Variants in RNF213 observed in about 807,000 individuals in gnomAD.
RNF213 encodes the protein ring finger protein 213.
A neutral mutation model predicts 514.4 loss-of-function variants in RNF213; 341 were observed. That is an observed-to-expected ratio of 0.66 (90% CI 0.61 to 0.73). The LOEUF (loss-of-function observed/expected upper bound fraction) is 0.73, where lower values mean the gene tolerates loss of function less well. Among genes scored for constraint, RNF213 ranks in the 30% least tolerant of loss-of-function variants. RNF213 has a pLI of 0.00. For missense variants in RNF213, 5,767 were observed against 6,615.6 expected, an observed-to-expected ratio of 0.87 and a Z score of 4.45; for synonymous variants, 2,655 against 2,658.2, an observed-to-expected ratio of 1.00 and a Z score of 0.04.
At chr17:80,303,474 A>G (rs1166426368) in intron 11 of RNF213, among the ~76,000 whole-genome samples, 1 of 152,082 alleles carries the variant, frequency 6.6e-6, no homozygotes, top group Non-Finnish European at 1.5e-5. Context: ...CTGGATCCCA[A>G]CTTCTGCTAA....
At position 80,349,912 on chromosome 17, in the gene RNF213, G is replaced by GTTCCCTGCC. The variant is rs762638945; in HGVS notation, c.10088+15_10088+23dup. On this transcript the variant is annotated splice_region_variant and intron_variant, in intron 30 of 67. Transcript: ENST00000582970. ...TCATTCCTCAAAGAAGTCCGGTGAG[G>GTTCCCTGCC]TTCCCTGCCTTCCCTGCTGCCCTCT... The GTTCCCTGCC allele has an allele frequency of 3.7e-4, 589 of 1,612,832 alleles. No individual in the cohort carries two copies. Among genetic ancestry groups the GTTCCCTGCC allele is most frequent in the Non-Finnish European group, 4.7e-4 (557 of 1,179,852 alleles).
At chr17:80,290,330 T>C (rs1214285788) in intron 6 of RNF213, among the ~76,000 whole-genome samples, 1 of 151,840 alleles carries the variant, frequency 6.6e-6, no homozygotes, top group Non-Finnish European at 1.5e-5. Context: ...TTCACGTGTG[T>C]GTGCGCACGT....
chr17:80,355,379 G>GACACCTTCCTC, intron 36 of RNF213: 3 of 376,834 alleles, frequency 8.0e-6, no homozygotes, highest in South Asian at 3.7e-5. Flanking sequence ...GGAGCTTACA[G>GACACCTTCCTC]GGGAAGAAGC....
At chr17:80,262,758 C>A (rs920120895) in intron 1 of RNF213, among the ~76,000 whole-genome samples, 2 of 152,216 alleles carry the variant, frequency 1.3e-5, no homozygotes, top group Non-Finnish European at 2.9e-5. Flanking sequence ...GGAACCCCAC[C>A]CAGTGCCTCC....
chr17:80,392,557 T>C (rs1374666056), intron 67 of RNF213, among the ~76,000 whole-genome samples: 1 of 152,042 alleles, frequency 6.6e-6, no homozygotes, highest in African/African-American at 2.4e-5. Context: ...CTAGTCCCAG[T>C]TCAGGAGCTC....
At chr17:80,304,675 TA>T (rs1198974875) in intron 11 of RNF213, among the ~76,000 whole-genome samples, 1 of 151,962 alleles carries the variant, frequency 6.6e-6, no homozygotes, top group African/African-American at 2.4e-5. Context: ...TAATAATAAT[TA>T]AGAGGCTTAA....
rs1310401451 is a variant in RNF213, at chr17:80,309,108, T to C, written c.2592T>C (p.Phe864=). The C allele has an allele frequency of 1.9e-6, 3 of 1,614,094 alleles. No individual in the cohort carries two copies. The African/African-American group carries it at 4.0e-5, about 22-fold the overall frequency. Residue 864 remains phenylalanine, a synonymous_variant, in exon 14 of 68, where the codon TTT becomes TTC. Coordinates refer to ENST00000582970, the MANE Select transcript of RNF213 (RefSeq NM_001256071.3). ...GCAGCAGCACAAAGCTACTTAAGTT[T>C]TACGAGCTGCCAGCCTTATCTGCCG... ...AICSSTKLLK[F]YELPALSAEI...
chr17:80,297,397 C>T (rs1468348361), intron 10 of RNF213, among the ~76,000 whole-genome samples: 1 of 149,882 alleles, frequency 6.7e-6, no homozygotes, highest in Non-Finnish European at 1.5e-5. Flanking sequence ...TTGCAGTGAG[C>T]CGAGATTGTG....
At chr17:80,325,739 C>T (rs563556826) in intron 18 of RNF213, among the ~76,000 whole-genome samples, 156 of 152,034 alleles carry the variant, frequency 1.0e-3, no homozygotes, top group Admixed American at 1.5e-3. Flanking sequence ...ACATTCCATC[C>T]TAAAAACGTT....
Position 80,353,212 on chromosome 17 carries a change from C to A in RNF213, c.10423+153C>A. 9.3e-7 allele frequency: 1 copy of A among 1,080,782 alleles called. No individual in the cohort carries two copies. The allele number at this position is 1,080,782 out of a possible 1,614,324, so 66.9% of individuals were successfully genotyped here. On this transcript the variant is annotated intron_variant, in intron 33 of 67. Coordinates refer to ENST00000582970, the MANE Select transcript of RNF213 (RefSeq NM_001256071.3). This position sits in a 1 kb window ranked among gnomAD's most constrained non-coding sequence, Gnocchi z 5.0. ...ACACATCTGCAGAACTGACTGGTGG[C>A]TCATCATAGAGCACCAGGGCCGAGC...
intron 11 of RNF213, among the ~76,000 whole-genome samples, chr17:80,305,493 T>G (rs1210197734): frequency 1.3e-5 from 2 of 151,878 alleles, no homozygotes; most frequent in Non-Finnish European, 2.9e-5. Flanking sequence ...TTATTACTAT[T>G]TTTTAATATT....
intron 57 of RNF213, chr17:80,382,168 T>C (rs2080035005): frequency 5.6e-6 from 1 of 179,280 alleles, no homozygotes; most frequent in Admixed American, 5.5e-5. Context: ...TATTAAATGT[T>C]TATATGTCCA....
intron 47 of RNF213, 29 bp from the exon 48 acceptor site, chr17:80,372,492 C>A: frequency 6.5e-7 from 1 of 1,545,768 alleles, no homozygotes; most frequent in Non-Finnish European, 8.9e-7. Context: ...AAAATAATAT[C>A]CTTTTCTTTC....
At chr17:80,261,560 G>GT (rs2043424009) in intron 1 of RNF213, among the ~76,000 whole-genome samples, 1 of 152,246 alleles carries the variant, frequency 6.6e-6, no homozygotes, top group African/African-American at 2.4e-5. Context: ...CCCCCACCTT[G>GT]TTGACTTTGG....
chr17:80,337,545 G>A lies in RNF213; in HGVS notation c.4528-41G>A, dbSNP rs531076725. The A allele has an allele frequency of 1.2e-5, 19 of 1,531,604 alleles. No homozygotes were observed. In the East Asian group the frequency reaches 1.5e-4, roughly 12 times the overall value. The allele number at this position is 1,531,604 out of a possible 1,614,324, so 94.9% of individuals were successfully genotyped here. ...CAGGAGGGAGAAGGGCAAGATCCTC[G>A]CTCCAACCGTGGCCCGTGTTCTCTC... On this transcript the variant is annotated intron_variant, in intron 23 of 67. Transcript: ENST00000582970.
chr17:80,304,979 C>T (rs946035512), intron 11 of RNF213, among the ~76,000 whole-genome samples: 3 of 152,160 alleles, frequency 2.0e-5, no homozygotes, highest in Non-Finnish European at 1.5e-5. Context: ...CCTTTTGTGT[C>T]TGATTTATTT....
intron 3 of RNF213, among the ~76,000 whole-genome samples, chr17:80,285,317 G>A (rs777765881): frequency 1.3e-5 from 2 of 152,346 alleles, no homozygotes; most frequent in East Asian, 3.9e-4. Flanking sequence ...GGGTGAGCTG[G>A]ATGGGAACTC....
At chr17:80,290,495 G>T (rs2044677712) in intron 6 of RNF213, 75 bp from the exon 7 acceptor site, 6 of 1,569,852 alleles carry the variant, frequency 3.8e-6, no homozygotes, top group Middle Eastern at 2.3e-4. Context: ...ACGTGTGTGT[G>T]TGCGCGTGTG....
intron 59 of RNF213, 122 bp from the exon 60 acceptor site, chr17:80,384,917 G>T: frequency 9.6e-7 from 1 of 1,040,818 alleles, no homozygotes; most frequent in Non-Finnish European, 1.5e-6. Context: ...TGCATCACAG[G>T]AAATGACACT....
Sources: gnomAD v4.1 joint callset for allele counts (sites outside exome capture counted in the v4.1 genomes callset) on GRCh38, gnomAD v4.1.1 for gene constraint, Gnocchi (gnomAD v3.1) non-coding constraint, MANE v1.5 for transcripts, NCBI Gene and HGNC (gene_info 2026-07-23, HGNC 2026-07-21) for gene names.